DTWD2: variants seen among roughly 807,000 people sequenced by gnomAD.
DTWD2 encodes the protein DTW motif tRNA-uridine aminocarboxypropyltransferase 2, also known as tRNA-uridine aminocarboxypropyltransferase 2.
Under a neutral mutation model 31.8 loss-of-function variants are expected in DTWD2, and 39 were observed. The ratio of observed to expected loss-of-function variants is 1.22; its 90% CI spans 0.95 to 1.60. DTWD2 has a LOEUF of 1.60. Ranked by LOEUF, DTWD2 falls within the 40% of genes most tolerant of loss-of-function variation. The probability of loss-of-function intolerance (pLI) is 0.00; values close to 1 mark genes in which losing one functional copy is unlikely to be tolerated. For synonymous variants in DTWD2, 180 were observed against 142.8 expected, an observed-to-expected ratio of 1.26 and a Z score of -1.86; for missense variants, 515 against 381.5, an observed-to-expected ratio of 1.35 and a Z score of -2.92.
At chr5:118,985,490 T>TTATTTA (rs1554072596) in intron 1 of DTWD2, among the ~76,000 whole-genome samples, 23 of 95,428 alleles carry the variant, frequency 2.4e-4, no homozygotes, top group African/African-American at 7.5e-4. Context: ...ATGTGCATTT[T>TTATTTA]TATATATATA....
intron 1 of DTWD2, among the ~76,000 whole-genome samples, chr5:118,986,778 G>C (rs1755437280): frequency 1.3e-5 from 2 of 151,614 alleles, no homozygotes; most frequent in African/African-American, 4.9e-5. Context: ...GCTTTTCACA[G>C]GTAGCAAATT....
chr5:118,937,476 T>A (rs570447206), intron 3 of DTWD2, among the ~76,000 whole-genome samples: 1 of 152,346 alleles, frequency 6.6e-6, no homozygotes, highest in East Asian at 1.9e-4. Flanking sequence ...GTAAGTTATC[T>A]GTAATCCAGC....
chr5:118,837,022 G>A lies in DTWD2; in HGVS notation c.*3895C>T, dbSNP rs140412367. On this transcript the variant is annotated 3_prime_UTR_variant, in exon 6 of 6. Transcript: ENST00000510708. ...TAAATATAAAATTGTAAACTGTTAA[G>A]ACCACTACAGTATCTTTTGTTTAAA... Among the ~76,000 whole-genome samples, 113 of 152,230 alleles carry A rather than the reference G, an allele frequency of 7.4e-4. No individual in the cohort carries two copies. In the East Asian group the frequency reaches 0.02, roughly 27 times the overall value.
At chr5:118,865,154 T>C (rs1044926457) in intron 4 of DTWD2, among the ~76,000 whole-genome samples, 1 of 152,194 alleles carries the variant, frequency 6.6e-6, no homozygotes, top group African/African-American at 2.4e-5. Context: ...TACATCTGAA[T>C]TTGAATTTGA....
intron 1 of DTWD2, among the ~76,000 whole-genome samples, chr5:118,983,628 C>T (rs1225660102): frequency 1.3e-5 from 2 of 152,032 alleles, no homozygotes; most frequent in African/African-American, 2.4e-5. Flanking sequence ...AGAGAAAATA[C>T]CAAAACTCAG....
At chr5:118,851,227 A>AAAG (rs1464455615) in intron 4 of DTWD2, among the ~76,000 whole-genome samples, 4 of 151,680 alleles carry the variant, frequency 2.6e-5, no homozygotes, top group African/African-American at 9.7e-5. Flanking sequence ...TCAAAAAAAA[A>AAAG]AAAAAAAAAA....
chr5:118,937,399 A>C (rs972039920), intron 3 of DTWD2, among the ~76,000 whole-genome samples: 1 of 143,042 alleles, frequency 7.0e-6, no homozygotes, highest in South Asian at 2.3e-4. Flanking sequence ...AAAAAAAAAA[A>C]CCATAAAACT....
chr5:118,890,298 G>A (rs1213716002), intron 4 of DTWD2, among the ~76,000 whole-genome samples: 1 of 152,102 alleles, frequency 6.6e-6, no homozygotes, highest in Non-Finnish European at 1.5e-5. Flanking sequence ...GTACAATAAA[G>A]TTCTAAACAA....
At chr5:118,985,515 T>TATATATATATATAC (rs1554072614) in intron 1 of DTWD2, among the ~76,000 whole-genome samples, 4 of 132,064 alleles carry the variant, frequency 3.0e-5, no homozygotes, top group Admixed American at 7.5e-5. Flanking sequence ...TATATATATA[T>TATATATATATATAC]ATACACACAC....
At chr5:118,865,706 G>A (rs1457200869) in intron 4 of DTWD2, among the ~76,000 whole-genome samples, 2 of 152,116 alleles carry the variant, frequency 1.3e-5, no homozygotes, top group African/African-American at 4.8e-5. Flanking sequence ...TTTAAAGCTA[G>A]CAAACTGATG....
At chr5:118,965,215 T>C (rs1008491955) in intron 1 of DTWD2, among the ~76,000 whole-genome samples, 16 of 150,818 alleles carry the variant, frequency 1.1e-4, no homozygotes, top group African/African-American at 3.7e-4. Flanking sequence ...AGCCGCCCCA[T>C]CTGGGAAGTG....
At chr5:118,975,913 A>G (rs1344382641) in intron 1 of DTWD2, among the ~76,000 whole-genome samples, 4 of 152,186 alleles carry the variant, frequency 2.6e-5, no homozygotes, top group African/African-American at 7.2e-5. Context: ...ACCACATCAC[A>G]CTTATTCTAA....
intron 1 of DTWD2, among the ~76,000 whole-genome samples, chr5:118,954,657 T>C (rs1209987010): frequency 1.3e-5 from 2 of 152,162 alleles, no homozygotes; most frequent in African/African-American, 4.8e-5. Flanking sequence ...AGGTTACAGG[T>C]GTGCACCACC....
intron 4 of DTWD2, among the ~76,000 whole-genome samples, chr5:118,919,540 G>A (rs974905996): frequency 2.0e-5 from 3 of 152,206 alleles, no homozygotes; most frequent in Non-Finnish European, 2.9e-5. Context: ...GGGGCCAAGT[G>A]TTCTATGCTC....
chr5:118,880,352 C>T (rs575107356), intron 4 of DTWD2, among the ~76,000 whole-genome samples: 32 of 152,220 alleles, frequency 2.1e-4, no homozygotes, highest in South Asian at 1.7e-3. Flanking sequence ...CAATCAGATG[C>T]GTGTAACAGT....
At chr5:118,920,325 A>G (rs1753673768) in intron 4 of DTWD2, among the ~76,000 whole-genome samples, 2 of 152,022 alleles carry the variant, frequency 1.3e-5, no homozygotes, top group Non-Finnish European at 1.5e-5. Context: ...AAAGAATACT[A>G]TATCTGTGAT....
At chr5:118,952,311 C>T (rs926467103) in intron 1 of DTWD2, among the ~76,000 whole-genome samples, 1 of 152,098 alleles carries the variant, frequency 6.6e-6, no homozygotes, top group Non-Finnish European at 1.5e-5. Flanking sequence ...GAAGAGACCA[C>T]CAAAGAGGCT....
intron 3 of DTWD2, among the ~76,000 whole-genome samples, chr5:118,935,943 C>A (rs954482051): frequency 5.3e-5 from 8 of 152,258 alleles, no homozygotes; most frequent in Non-Finnish European, 7.4e-5. Flanking sequence ...GGAATATAGT[C>A]TTTTCTTGTG....
chr5:118,906,704 T>C (rs1753340290), intron 4 of DTWD2, among the ~76,000 whole-genome samples: 1 of 152,104 alleles, frequency 6.6e-6, no homozygotes, highest in Non-Finnish European at 1.5e-5. Context: ...GAAGAAAAGA[T>C]TACCAAAGGG....
Sources: allele counts gnomAD v4.1 joint callset (sites outside exome capture counted in the v4.1 genomes callset), GRCh38; gene constraint gnomAD v4.1.1; transcripts MANE v1.5; gene names NCBI Gene and HGNC (gene_info 2026-07-23, HGNC 2026-07-21).